MAD1L1: variants seen among roughly 807,000 people sequenced by gnomAD.
MAD1L1 encodes mitotic arrest deficient 1 like 1.
A neutral mutation model predicts 96.9 loss-of-function variants in MAD1L1; 95 were observed. The ratio of observed to expected loss-of-function variants is 0.98; its 90% CI spans 0.83 to 1.16. The LOEUF (loss-of-function observed/expected upper bound fraction) is 1.16. Among genes scored for constraint, MAD1L1 ranks in the 50% most tolerant of loss-of-function variants. The pLI, the probability that MAD1L1 is intolerant of heterozygous loss-of-function variation, is 0.00. For missense variants in MAD1L1, 1,007 were observed against 954.4 expected (o/e 1.06, Z -0.73); for synonymous variants, 473 against 396.6 (o/e 1.19, Z -2.29).
chr7:2,197,297 T>C (rs1297702902), intron 10 of MAD1L1, among the ~76,000 whole-genome samples: 3 of 152,112 alleles, frequency 2.0e-5, no homozygotes, highest in Admixed American at 6.5e-5. Context: ...CTAGCAGACA[T>C]ATGCCCGGCT....
Position 1,914,894 on chromosome 7 carries a change from A to G in MAD1L1, c.1808-16504T>C, listed in dbSNP as rs116444860. Among the ~76,000 whole-genome samples, 1,149 of 152,346 alleles carry G rather than the reference A, an allele frequency of 7.5e-3. 13 individuals are homozygous for G. Among genetic ancestry groups the G allele is most frequent in the African/African-American group, 0.026 (1,100 of 41,572 alleles). ...CTCCCAAAGCGTTGGGATGACAGGC[A>G]TGAGTGCCGCGCCGGCCCTGCTGTG... On this transcript the variant is annotated intron_variant, in intron 17 of 18. Coordinates refer to ENST00000265854, the MANE Select transcript of MAD1L1 (RefSeq NM_001013836.2).
intron 18 of MAD1L1, among the ~76,000 whole-genome samples, chr7:1,832,278 A>G (rs909633482): frequency 5.3e-5 from 8 of 152,176 alleles, no homozygotes; most frequent in African/African-American, 1.9e-4. Flanking sequence ...GAAAATAGCA[A>G]GAGAATTAGA....
At chr7:1,856,406 T>A (rs1427287148) in intron 18 of MAD1L1, among the ~76,000 whole-genome samples, 1 of 152,180 alleles carries the variant, frequency 6.6e-6, no homozygotes, top group Non-Finnish European at 1.5e-5. Context: ...GGGGGCCCCC[T>A]GCCTCCAGCG....
chr7:2,201,298 C>T (rs1003018042), intron 10 of MAD1L1, among the ~76,000 whole-genome samples: 2 of 152,186 alleles, frequency 1.3e-5, no homozygotes, highest in African/African-American at 4.8e-5. Flanking sequence ...TTCAAGCCGC[C>T]TGTCAAAATC....
intron 18 of MAD1L1, among the ~76,000 whole-genome samples, chr7:1,890,636 G>C (rs1282560031): frequency 6.6e-6 from 1 of 152,230 alleles, no homozygotes; most frequent in Non-Finnish European, 1.5e-5. Context: ...CATCCTGCCA[G>C]TTTCCACGGA....
chr7:2,162,607 C>CA (rs1183281228), intron 10 of MAD1L1, among the ~76,000 whole-genome samples: 2 of 115,172 alleles, frequency 1.7e-5, no homozygotes, highest in Non-Finnish European at 3.8e-5. Context: ...AAAAAACAAA[C>CA]AAAAAACCAA....
chr7:1,872,777 G>T (rs930162985), intron 18 of MAD1L1: 1 of 152,254 alleles, frequency 6.6e-6, no homozygotes, highest in African/African-American at 2.4e-5. Context: ...ATAAACACAG[G>T]AATGAAAAGC....
At chr7:2,214,200 G>A (rs1793139306) in intron 9 of MAD1L1, among the ~76,000 whole-genome samples, 2 of 152,216 alleles carry the variant, frequency 1.3e-5, no homozygotes, top group Non-Finnish European at 1.5e-5. Context: ...GAAGGAGCTG[G>A]CCCAGGGACA....
intron 11 of MAD1L1, among the ~76,000 whole-genome samples, chr7:2,093,614 C>G (rs1025995350): frequency 6.6e-6 from 1 of 152,244 alleles, no homozygotes; most frequent in Non-Finnish European, 1.5e-5. Context: ...CCCCTTCGCT[C>G]TCCTCCTCCT....
At chr7:1,986,102 G>C (rs1781127444) in intron 14 of MAD1L1, among the ~76,000 whole-genome samples, 1 of 152,144 alleles carries the variant, frequency 6.6e-6, no homozygotes, top group African/African-American at 2.4e-5. Context: ...CCGTGCACAG[G>C]TTCACAGTGG....
intron 11 of MAD1L1, among the ~76,000 whole-genome samples, chr7:2,115,362 G>T (rs963212719): frequency 6.8e-6 from 1 of 148,086 alleles, no homozygotes; most frequent in Admixed American, 6.7e-5. Flanking sequence ...ACTGGACAGG[G>T]TCCCCGCGTG....
Position 1,851,251 on chromosome 7 carries a change from G to A in MAD1L1, c.1999-35023C>T, listed in dbSNP as rs117927576. Among the ~76,000 whole-genome samples, 680 of 152,248 alleles carry A rather than the reference G, an allele frequency of 4.5e-3. 7 individuals carry two copies. Among genetic ancestry groups the A allele is most frequent in the African/African-American group, 0.013 (558 of 41,564 alleles). On this transcript the variant is annotated intron_variant, in intron 18 of 18. Transcript: ENST00000265854. The stretch of plus-strand genomic sequence containing the variant: ...AGGGTGGAAGGTGGGGGTGACCCAC[G>A]CCCAGACCAGAGCCGGCAGCAAGAG...
intron 18 of MAD1L1, among the ~76,000 whole-genome samples, chr7:1,827,463 CGTCGCGGG>C (rs1782461706): frequency 2.1e-5 from 2 of 94,964 alleles, no homozygotes; most frequent in African/African-American, 3.5e-5. Context: ...CTCCTGAGCC[CGTCGCGGG>C]TGTGGGGGCC....
intron 17 of MAD1L1, among the ~76,000 whole-genome samples, chr7:1,933,943 C>T (rs4721217): frequency 0.3 from 45,425 of 152,134 alleles, 8,120 homozygotes; most frequent in East Asian, 0.47. Context: ...CACCCGCCGC[C>T]GGCTTAGATT....
chr7:2,158,354 AGGACTCCGAGGT>A (rs2128586427), intron 10 of MAD1L1, among the ~76,000 whole-genome samples: 1 of 152,334 alleles, frequency 6.6e-6, no homozygotes, highest in East Asian at 1.9e-4. Context: ...GGAGACCCAG[AGGACTCCGAGGT>A]GGAAAATGAA....
intron 18 of MAD1L1, among the ~76,000 whole-genome samples, chr7:1,820,506 C>T (rs1782067115): frequency 1.3e-5 from 2 of 152,012 alleles, no homozygotes; most frequent in Non-Finnish European, 2.9e-5. Context: ...AGGGCTCACA[C>T]CTGTAATCTT....
Position 1,980,738 on chromosome 7 carries a change from A to AT in MAD1L1, c.1417-198dup, listed in dbSNP as rs747335627. On this transcript the variant is annotated intron_variant, in intron 14 of 18. Coordinates refer to ENST00000265854, the MANE Select transcript of MAD1L1 (RefSeq NM_001013836.2). ...TAACTTTGCAAACTCAAGTTCTCTC[A>AT]TTTTTTTGTCACTTCCATCTCCTGA... 34 of 689,314 alleles carry AT rather than the reference A, an allele frequency of 4.9e-5. 1 individual carries two copies. The highest frequency in any genetic ancestry group is 1.4e-4 in the South Asian group (9 of 66,506). The allele number at this position is 689,314 out of a possible 1,614,324, so 42.7% of individuals were successfully genotyped here.
intron 11 of MAD1L1, among the ~76,000 whole-genome samples, chr7:2,093,848 G>A (rs1210964908): frequency 6.6e-6 from 1 of 152,174 alleles, no homozygotes; most frequent in Non-Finnish European, 1.5e-5. Context: ...TGGGGCACGG[G>A]GCAACAGACA....
At chr7:2,224,973 C>T (rs958773747) in intron 4 of MAD1L1, among the ~76,000 whole-genome samples, 2 of 152,208 alleles carry the variant, frequency 1.3e-5, no homozygotes, top group Admixed American at 1.3e-4. Flanking sequence ...TTCTGCCAGA[C>T]CTGCATTCCA....
Sources: gnomAD v4.1 joint callset for allele counts (sites outside exome capture counted in the v4.1 genomes callset) on GRCh38, gnomAD v4.1.1 for gene constraint, MANE v1.5 for transcripts, NCBI Gene and HGNC (gene_info 2026-07-23, HGNC 2026-07-21) for gene names.